HECW2: variants seen among roughly 807,000 people sequenced by gnomAD.
HECW2 encodes E3 ubiquitin-protein ligase HECW2.
Under a neutral mutation model 175.2 loss-of-function variants are expected in HECW2, and 61 were observed. The ratio of observed to expected loss-of-function variants is 0.35; its 90% CI spans 0.28 to 0.43. The LOEUF is 0.43. HECW2 is among the 20% of genes least tolerant of loss of function. The probability of loss-of-function intolerance (pLI) is 1.00; values close to 1 mark genes in which losing one functional copy is unlikely to be tolerated. For missense variants in HECW2, 1,524 were observed against 2,000.5 expected, an observed-to-expected ratio of 0.76 and a Z score of 4.54; for synonymous variants, 671 against 731.0, an observed-to-expected ratio of 0.92 and a Z score of 1.32.
At chr2:196,447,033 C>G (rs1696207018) in intron 1 of HECW2, among the ~76,000 whole-genome samples, 1 of 152,152 alleles carries the variant, frequency 6.6e-6, no homozygotes, top group East Asian at 1.9e-4. Flanking sequence ...AAAGACTCAT[C>G]TGGAAGAACC....
At chr2:196,406,769 C>T (rs1694976922) in intron 2 of HECW2, among the ~76,000 whole-genome samples, 1 of 152,198 alleles carries the variant, frequency 6.6e-6, no homozygotes, top group Admixed American at 6.5e-5. Context: ...CCATTCTCTG[C>T]CTAGAATGCT....
intron 2 of HECW2, among the ~76,000 whole-genome samples, chr2:196,374,012 ACAGAGAGAGACTCCGTCT>A (rs1167725323): frequency 6.6e-6 from 1 of 150,922 alleles, no homozygotes; most frequent in Non-Finnish European, 1.5e-5. Flanking sequence ...AGCCTGGGCG[ACAGAGAGAGACTCCGTCT>A]CAAAAAAAAT....
intron 17 of HECW2, among the ~76,000 whole-genome samples, chr2:196,270,071 A>G (rs1689670489): frequency 6.6e-6 from 1 of 152,244 alleles, no homozygotes; most frequent in African/African-American, 2.4e-5. Flanking sequence ...TTTGGGAATC[A>G]CTGCTGTGGG....
intron 28 of HECW2, among the ~76,000 whole-genome samples, chr2:196,214,483 T>A (rs1687399222): frequency 6.6e-6 from 1 of 152,238 alleles, no homozygotes; most frequent in Non-Finnish European, 1.5e-5. Context: ...TAAAAAGCCT[T>A]ATTCAGATAG....
intron 2 of HECW2, among the ~76,000 whole-genome samples, chr2:196,363,490 T>C (rs1176505027): frequency 6.6e-6 from 1 of 152,158 alleles, no homozygotes; most frequent in Non-Finnish European, 1.5e-5. Context: ...CTAATTTAGG[T>C]GGCCAATGGG....
chr2:196,531,644 A>G (rs2125452438), intron 1 of HECW2, among the ~76,000 whole-genome samples: 1 of 149,714 alleles, frequency 6.7e-6, no homozygotes, highest in Admixed American at 6.6e-5. Flanking sequence ...CCCAGGCAAC[A>G]GTGTGAGACT....
At position 196,278,442 on chromosome 2, in the gene HECW2, TA is replaced by T. The variant is rs3833549; in HGVS notation, c.3135+85del. The T allele has an allele frequency of 1.2e-5, 17 of 1,439,284 alleles. No homozygotes were observed. The East Asian group carries it at 4.0e-4, about 34-fold the overall frequency. 89.2% of individuals were successfully genotyped at this position (1,439,284 alleles called of 1,614,324 possible). A position where few individuals can be genotyped will look rare whatever the true frequency, so the allele number is the denominator to read the frequency against. On this transcript the variant is annotated intron_variant, in intron 15 of 28. Coordinates refer to ENST00000644978, the MANE Select transcript of HECW2 (RefSeq NM_001348768.2). ...AAAAAAAAAAAAAGAAAAAATGCTT[TA>T]AAAAAATCAGTCAAATTCCTCAAAC...
chr2:196,231,092 CAAAAAAAAAAA>C lies in HECW2; in HGVS notation c.3765-2849_3765-2839del, dbSNP rs10653412. On this transcript the variant is annotated intron_variant, in intron 21 of 28. Transcript: ENST00000644978. ...CTGGCGACAGAGCAGGACTCCGTCTCAAAAAAAAAAAAAAAAAAAAAAAAGGCCTTAACACT... is the reference window on the plus strand; with the variant it reads ...CTGGCGACAGAGCAGGACTCCGTCTCAAAAAAAAAAAAAGGCCTTAACACT... Among the ~76,000 whole-genome samples the C allele has an allele frequency of 9.2e-4, 51 of 55,332 alleles. 1 individual carries two copies. In the East Asian group the frequency reaches 0.03, roughly 32 times the overall value. The allele number at this position is 55,332 out of a possible 152,430, so 36.3% of individuals were successfully genotyped here. A position where few individuals can be genotyped will look rare whatever the true frequency, so the allele number is the denominator to read the frequency against.
intron 1 of HECW2, among the ~76,000 whole-genome samples, chr2:196,483,810 T>C (rs758034854): frequency 6.6e-6 from 1 of 152,192 alleles, no homozygotes; most frequent in Non-Finnish European, 1.5e-5. Flanking sequence ...GGAACACTTA[T>C]TAAATAAAAA....
rs956681737 is a variant in HECW2 at position 196,526,462 on chromosome 2, C to A, written c.-36+67046G>T. ...CTCAGAGTAATTTGATCGTCTGAAG[C>A]CTTCTTCTCTCAGCTCGTCAACGTC... On this transcript the variant is annotated intron_variant, in intron 1 of 28. Coordinates refer to ENST00000644978, the MANE Select transcript of HECW2 (RefSeq NM_001348768.2). 2.7e-3 allele frequency among the ~76,000 whole-genome samples: 407 copies of A among 151,844 alleles called. 1 individual carries two copies. The highest frequency in any genetic ancestry group is 4.4e-3 in the Non-Finnish European group (297 of 67,900).
intron 1 of HECW2, among the ~76,000 whole-genome samples, chr2:196,445,709 G>A (rs1195926120): frequency 6.6e-6 from 1 of 152,122 alleles, no homozygotes; most frequent in Non-Finnish European, 1.5e-5. Flanking sequence ...CTGAAGTAAA[G>A]AAAAGTCTAA....
chr2:196,412,006 T>C (rs972071873), intron 2 of HECW2, among the ~76,000 whole-genome samples: 3 of 152,182 alleles, frequency 2.0e-5, no homozygotes, highest in Admixed American at 6.5e-5. Flanking sequence ...CAAGACTCTG[T>C]CTTAAAAAAT....
intron 14 of HECW2, chr2:196,292,072 T>A (rs1690622208): frequency 6.5e-6 from 1 of 152,912 alleles, no homozygotes; most frequent in Non-Finnish European, 1.5e-5. Flanking sequence ...TGAGTTTTGG[T>A]TAATGTGCTA....
chr2:196,331,295 G>C (rs1692348726), intron 4 of HECW2: 1 of 984,292 alleles, frequency 1.0e-6, no homozygotes, highest in African/African-American at 1.7e-5. Flanking sequence ...AGCGTTTCCA[G>C]ATTAACTAGG....
chr2:196,214,539 C>G (rs1361050502), intron 28 of HECW2, among the ~76,000 whole-genome samples: 2 of 152,070 alleles, frequency 1.3e-5, no homozygotes, highest in Admixed American at 6.6e-5. Context: ...AACTCATTAT[C>G]CAAGCATAAA....
At chr2:196,413,713 T>C (rs1695177906) in intron 2 of HECW2, among the ~76,000 whole-genome samples, 1 of 152,122 alleles carries the variant, frequency 6.6e-6, no homozygotes, top group South Asian at 2.1e-4. Flanking sequence ...AAAAGCACTA[T>C]AAAAATATTA....
chr2:196,570,594 C>A (rs1690349124), intron 1 of HECW2, among the ~76,000 whole-genome samples: 1 of 152,040 alleles, frequency 6.6e-6, no homozygotes, highest in Non-Finnish European at 1.5e-5. Context: ...GGAGAAATAC[C>A]TAATGTAAAT....
At chr2:196,322,303 A>T (rs544808507) in intron 7 of HECW2, among the ~76,000 whole-genome samples, 175 bp downstream of exon 7, 1 of 152,382 alleles carries the variant, frequency 6.6e-6, no homozygotes, top group South Asian at 2.1e-4. Flanking sequence ...TATAATTAAA[A>T]TAAACTACTT....
intron 1 of HECW2, among the ~76,000 whole-genome samples, chr2:196,576,817 A>G (rs1028547762): frequency 2.0e-5 from 3 of 152,228 alleles, no homozygotes; most frequent in African/African-American, 7.2e-5. Flanking sequence ...TACACATTAT[A>G]AATATATAAT....
Sources: gnomAD v4.1 joint callset for allele counts (sites outside exome capture counted in the v4.1 genomes callset) on GRCh38, gnomAD v4.1.1 for gene constraint, MANE v1.5 for transcripts, NCBI Gene and HGNC (gene_info 2026-07-23, HGNC 2026-07-21) for gene names.